BMPR1B: variants seen among roughly 807,000 people sequenced by gnomAD.
BMPR1B encodes bone morphogenetic protein receptor type-1B.
BMPR1B carries 12 observed loss-of-function variants against 59.1 expected under a neutral mutation model. The observed-to-expected ratio is 0.20, with a 90% CI of 0.13 to 0.33. BMPR1B has a LOEUF of 0.33. Ranked by LOEUF, BMPR1B falls within the 10% of genes least tolerant of loss-of-function variation. The pLI is 1.00. For missense variants in BMPR1B, 550 were observed against 610.9 expected (o/e 0.90, Z 1.05); for synonymous variants, 237 against 207.3 (o/e 1.14, Z -1.23).
intron 2 of BMPR1B, among the ~76,000 whole-genome samples, chr4:94,964,639 C>T (rs183840105): frequency 1.1e-3 from 173 of 152,252 alleles, no homozygotes; most frequent in Non-Finnish European, 2.1e-3. Flanking sequence ...GATGCCATTT[C>T]TCCTTCTAAG....
chr4:95,143,502 A>G (rs1351066759), intron 10 of BMPR1B, among the ~76,000 whole-genome samples: 1 of 152,052 alleles, frequency 6.6e-6, no homozygotes, highest in Non-Finnish European at 1.5e-5. Context: ...CCTCAAAACC[A>G]TAACCTACAG....
intron 2 of BMPR1B, among the ~76,000 whole-genome samples, chr4:94,914,527 A>C (rs1431231733): frequency 6.6e-6 from 1 of 152,120 alleles, no homozygotes; most frequent in Non-Finnish European, 1.5e-5. Flanking sequence ...TGCAGTGCTT[A>C]ATGGTGAGTA....
intron 2 of BMPR1B, among the ~76,000 whole-genome samples, chr4:94,968,315 T>G (rs1730634485): frequency 6.6e-6 from 1 of 151,688 alleles, no homozygotes; most frequent in South Asian, 2.1e-4. Context: ...GGAACATTGC[T>G]CAGCTCTGGG....
intron 2 of BMPR1B, among the ~76,000 whole-genome samples, chr4:94,922,644 A>G (rs1428925503): frequency 6.6e-6 from 1 of 152,104 alleles, no homozygotes; most frequent in Non-Finnish European, 1.5e-5. Flanking sequence ...TATGATATAT[A>G]TTACAATTAT....
intron 2 of BMPR1B, among the ~76,000 whole-genome samples, chr4:94,986,121 T>G (rs1256291595): frequency 6.6e-6 from 1 of 152,236 alleles, no homozygotes; most frequent in Non-Finnish European, 1.5e-5. Flanking sequence ...TTTATACCAG[T>G]TACCTTTAAA....
chr4:95,070,943 T>C (rs993666001), intron 3 of BMPR1B, among the ~76,000 whole-genome samples: 20 of 152,208 alleles, frequency 1.3e-4, no homozygotes, highest in Admixed American at 9.8e-4. Context: ...CATTTCCTTT[T>C]GTTGAAAACA....
intron 2 of BMPR1B, among the ~76,000 whole-genome samples, chr4:94,896,325 C>T (rs1446041566): frequency 1.3e-5 from 2 of 151,926 alleles, no homozygotes; most frequent in African/African-American, 4.8e-5. Context: ...ATCAAAGTAT[C>T]TGTTTCAGTA....
chr4:95,107,904 C>T (rs7661539), intron 4 of BMPR1B, among the ~76,000 whole-genome samples: 88,838 of 151,718 alleles, frequency 0.59, 28,482 homozygotes, highest in Non-Finnish European at 0.73. Flanking sequence ...TCACAGGGGC[C>T]ACATTTGTTT....
chr4:95,138,945 T>C (rs1419660975), intron 10 of BMPR1B, among the ~76,000 whole-genome samples: 5 of 152,236 alleles, frequency 3.3e-5, no homozygotes, highest in African/African-American at 1.2e-4. Flanking sequence ...GCAGCTTTGT[T>C]CCATTGCTGG....
intron 1 of BMPR1B, among the ~76,000 whole-genome samples, chr4:94,758,330 C>T (rs1342949657): frequency 6.6e-6 from 1 of 150,736 alleles, no homozygotes; most frequent in East Asian, 2.0e-4. Flanking sequence ...GCTTTGTGCG[C>T]GGGCGGCTCT....
At chr4:95,091,270 CTTT>C in intron 3 of BMPR1B, among the ~76,000 whole-genome samples, 1 of 150,218 alleles carries the variant, frequency 6.7e-6, no homozygotes, top group East Asian at 2.0e-4. Context: ...TTTTTCTTTT[CTTT>C]TTTTTTTGTT....
chr4:95,136,003 C>T (rs1733751788), intron 10 of BMPR1B, among the ~76,000 whole-genome samples: 1 of 152,108 alleles, frequency 6.6e-6, no homozygotes, highest in South Asian at 2.1e-4. Context: ...ATGGGTTTGT[C>T]ATAAATAGCT....
chr4:94,795,927 T>C (rs372114754), intron 1 of BMPR1B, among the ~76,000 whole-genome samples: 4 of 152,092 alleles, frequency 2.6e-5, no homozygotes, highest in African/African-American at 9.6e-5. Context: ...ATAGAGACGG[T>C]CAGCAAATTC....
intron 2 of BMPR1B, among the ~76,000 whole-genome samples, chr4:94,880,060 T>G (rs1486414627): frequency 6.6e-6 from 1 of 151,188 alleles, no homozygotes; most frequent in Non-Finnish European, 1.5e-5. Context: ...TACAAATTAT[T>G]ATTATTTTAT....
intron 2 of BMPR1B, among the ~76,000 whole-genome samples, chr4:94,930,007 C>T (rs567061150): frequency 6.6e-6 from 1 of 152,136 alleles, no homozygotes; most frequent in African/African-American, 2.4e-5. Flanking sequence ...GTTTTTAAGG[C>T]TTGCTTGTTC....
chr4:95,014,249 A>G (rs1364706731), intron 3 of BMPR1B, among the ~76,000 whole-genome samples: 1 of 152,220 alleles, frequency 6.6e-6, no homozygotes, highest in Non-Finnish European at 1.5e-5. Context: ...TCTGCCGTTA[A>G]TATAAATATT....
At chr4:94,885,360 CATT>C (rs1343155263) in intron 2 of BMPR1B, among the ~76,000 whole-genome samples, 12 of 152,200 alleles carry the variant, frequency 7.9e-5, no homozygotes, top group Non-Finnish European at 2.9e-5. Context: ...TTTAGCACAT[CATT>C]ATTATTGCGG....
At chr4:95,106,758 G>A (rs1327845367) in intron 4 of BMPR1B, among the ~76,000 whole-genome samples, 1 of 151,964 alleles carries the variant, frequency 6.6e-6, no homozygotes, top group Admixed American at 6.6e-5. Context: ...ATTAGTCACT[G>A]TTTGCGGTGA....
At chr4:95,136,659 A>G (rs1189457054) in intron 10 of BMPR1B, among the ~76,000 whole-genome samples, 1 of 152,118 alleles carries the variant, frequency 6.6e-6, no homozygotes. Context: ...GTGTCGAGGA[A>G]TTTATCCATT....
Sources: gnomAD v4.1 joint callset for allele counts (sites outside exome capture counted in the v4.1 genomes callset) on GRCh38, gnomAD v4.1.1 for gene constraint, MANE v1.5 for transcripts, NCBI Gene and HGNC (gene_info 2026-07-23, HGNC 2026-07-21) for gene names.